NHSL2: variants seen among roughly 807,000 people sequenced by gnomAD.
NHSL2 encodes NHS like 2.
NHSL2 carries 27 observed loss-of-function variants against 53.4 expected under a neutral mutation model. That is an observed-to-expected ratio of 0.51 (90% CI 0.37 to 0.70). The LOEUF (loss-of-function observed/expected upper bound fraction) is 0.70, where lower values mean the gene tolerates loss of function less well. Ranked by LOEUF, NHSL2 falls within the 30% of genes least tolerant of loss-of-function variation. The pLI is 0.00. For synonymous variants in NHSL2, 408 were observed against 404.1 expected, an observed-to-expected ratio of 1.01 and a Z score of -0.12; for missense variants, 892 against 980.1, an observed-to-expected ratio of 0.91 and a Z score of 1.20.
chrX:71,912,708 C>A (rs978745151), intron 1 of NHSL2, among the ~76,000 whole-genome samples: 4 of 112,210 alleles, frequency 3.6e-5, no homozygotes, highest in African/African-American at 1.3e-4. Context: ...GGACCAGGAG[C>A]CTCTGCATGG....
Position 71,964,011 on chromosome X carries a change from GTATATATA to G in NHSL2, c.280+52650_280+52657del, listed in dbSNP as rs1382971808. Among the ~76,000 whole-genome samples the G allele has an allele frequency of 2.2e-3, 27 of 12,176 alleles. 3 individuals are homozygous for G. Among genetic ancestry groups the G allele is most frequent in the Admixed American group, 3.9e-3 (3 of 761 alleles). 10.6% of individuals were successfully genotyped at this position (12,176 alleles called of 115,157 possible). ...TATATATGTATATACATATATATAT[GTATATATA>G]TATATGTGTATATATATATATATGT... On this transcript the variant is annotated intron_variant, in intron 1 of 7. Coordinates refer to ENST00000633930, the MANE Select transcript of NHSL2 (RefSeq NM_001013627.3).
intron 1 of NHSL2, among the ~76,000 whole-genome samples, chrX:72,109,310 A>G (rs186916732): frequency 1.8e-5 from 2 of 112,318 alleles, no homozygotes; most frequent in Admixed American, 9.4e-5. Context: ...TGTGATTGTT[A>G]TTCCCATTTT....
intron 6 of NHSL2, 46 bp downstream of exon 6, chrX:72,140,817 T>A: frequency 9.6e-7 from 1 of 1,041,617 alleles, no homozygotes. Context: ...ACAGGAGAGA[T>A]GAGGGTGAGA....
intron 1 of NHSL2, among the ~76,000 whole-genome samples, chrX:72,083,908 T>G (rs900247550): frequency 8.9e-6 from 1 of 111,879 alleles, no homozygotes; most frequent in African/African-American, 3.3e-5. Flanking sequence ...TCCCAGATTT[T>G]ATTGCCCCTT....
rs1158761328 is a variant in NHSL2, at chrX:72,143,234, C to T, written c.3357-19C>T. On this transcript the variant is annotated intron_variant, in intron 7 of 7. Coordinates refer to ENST00000633930, the MANE Select transcript of NHSL2 (RefSeq NM_001013627.3). ...GTCTGCTGCATTAACTCACTCAGAC[C>T]AAACTTTCTCTTATCTAGGTCCAAA... The T allele has an allele frequency of 8.9e-7, 1 of 1,120,161 alleles. No individual in the cohort carries two copies. The highest frequency in any genetic ancestry group is 3.3e-5 in the East Asian group (1 of 30,387). 92.3% of individuals were successfully genotyped at this position (1,120,161 alleles called of 1,213,427 possible). A position where few individuals can be genotyped will look rare whatever the true frequency, so the allele number is the denominator to read the frequency against.
At chrX:71,949,321 G>A (rs759305011) in intron 1 of NHSL2, among the ~76,000 whole-genome samples, 7 of 111,029 alleles carry the variant, frequency 6.3e-5, no homozygotes, top group Non-Finnish European at 1.1e-4. Context: ...TTTGAGGTGG[G>A]CTTCCTGAAG....
At chrX:72,135,005 T>C (rs1453908593) in intron 4 of NHSL2, among the ~76,000 whole-genome samples, 3 of 112,786 alleles carry the variant, frequency 2.7e-5, no homozygotes, top group East Asian at 2.8e-4. Flanking sequence ...AGAGCACTTA[T>C]GGAAACTTAA....
In NHSL2 at chrX:72,144,427, G is replaced by T; in HGVS notation, c.*853G>T. 1 of 737,875 alleles carries T rather than the reference G, an allele frequency of 1.4e-6. No individual in the cohort carries two copies. Among genetic ancestry groups the T allele is most frequent in the South Asian group, 2.1e-5 (1 of 47,769 alleles). The allele number at this position is 737,875 out of a possible 1,213,427, so 60.8% of individuals were successfully genotyped here. On this transcript the variant is annotated 3_prime_UTR_variant, in exon 8 of 8. Transcript: ENST00000633930. Reference sequence around the variant, plus strand: ...GTCAACAGCGATAGGCAGGATCTGCGCCCAGCTCATGCTGCATTCTAAGAA... The same window carrying T: ...GTCAACAGCGATAGGCAGGATCTGCTCCCAGCTCATGCTGCATTCTAAGAA...
chrX:71,930,439 C>T (rs980455334), intron 1 of NHSL2, among the ~76,000 whole-genome samples: 1 of 112,405 alleles, frequency 8.9e-6, no homozygotes, highest in Non-Finnish European at 1.9e-5. Flanking sequence ...GTGTATAATT[C>T]AGTGCCTTTT....
Position 72,151,071 on chromosome X carries a change from A to G in NHSL2, c.*7497A>G, listed in dbSNP as rs2042508953. ...CTCTCTGTAGCCAGGCTGGAGGGCA[A>G]TTGTACAATCTCGGCTCATTACAAC... On this transcript the variant is annotated 3_prime_UTR_variant, in exon 8 of 8. Coordinates refer to ENST00000633930, the MANE Select transcript of NHSL2 (RefSeq NM_001013627.3). 1 of 110,913 alleles carries G rather than the reference A, an allele frequency of 9.0e-6. No homozygotes were observed. The highest frequency in any genetic ancestry group is 1.9e-5 in the Non-Finnish European group (1 of 52,927). The allele number at this position is 110,913 out of a possible 1,213,427, so 9.1% of individuals were successfully genotyped here. A position where few individuals can be genotyped will look rare whatever the true frequency, so the allele number is the denominator to read the frequency against.
chrX:71,930,446 T>G (rs920493781), intron 1 of NHSL2, among the ~76,000 whole-genome samples: 2 of 112,624 alleles, frequency 1.8e-5, no homozygotes, highest in African/African-American at 6.4e-5. Context: ...ATTCAGTGCC[T>G]TTTAGCATGT....
At chrX:72,070,676 C>G (rs981030818) in intron 1 of NHSL2, among the ~76,000 whole-genome samples, 1 of 109,600 alleles carries the variant, frequency 9.1e-6, no homozygotes, top group African/African-American at 3.3e-5. Context: ...TACTTTCTCT[C>G]TGTGCCCTCC....
intron 1 of NHSL2, among the ~76,000 whole-genome samples, chrX:71,941,231 C>T (rs935516533): frequency 8.1e-5 from 9 of 110,990 alleles, no homozygotes; most frequent in East Asian, 5.6e-4. Context: ...GACTGAAGAC[C>T]CTCTCCCTGT....
chrX:72,084,258 TG>T (rs1471173817), intron 1 of NHSL2, among the ~76,000 whole-genome samples: 1 of 112,355 alleles, frequency 8.9e-6, no homozygotes, highest in East Asian at 2.8e-4. Flanking sequence ...TGACTGGTCC[TG>T]GGGACTATCA....
intron 1 of NHSL2, among the ~76,000 whole-genome samples, chrX:71,926,630 A>G (rs1438280738): frequency 9.3e-6 from 1 of 108,051 alleles, no homozygotes; most frequent in Non-Finnish European, 1.9e-5. Context: ...TTGAGAATAT[A>G]CATATATATA....
intron 1 of NHSL2, among the ~76,000 whole-genome samples, chrX:71,927,567 C>CT (rs1414894362): frequency 9.8e-6 from 1 of 101,969 alleles, no homozygotes; most frequent in Non-Finnish European, 2.0e-5. Flanking sequence ...TTTTTCTTTT[C>CT]TTTTTTTGAG....
chrX:72,085,115 C>A (rs967517491), intron 1 of NHSL2, among the ~76,000 whole-genome samples: 2 of 111,568 alleles, frequency 1.8e-5, no homozygotes, highest in Non-Finnish European at 3.8e-5. Context: ...TTATTGTCCT[C>A]ACCCTAAACA....
At chrX:71,919,532 C>T (rs2041646369) in intron 1 of NHSL2, among the ~76,000 whole-genome samples, 1 of 111,691 alleles carries the variant, frequency 9.0e-6, no homozygotes, top group East Asian at 2.8e-4. Context: ...AGCCATTCTT[C>T]CCTTTTCCAG....
chrX:72,041,287 A>T (rs759542756), intron 1 of NHSL2, among the ~76,000 whole-genome samples: 2 of 111,759 alleles, frequency 1.8e-5, no homozygotes, highest in South Asian at 7.5e-4. Context: ...ATCCACACGA[A>T]CATTATCAGT....
Sources: allele counts gnomAD v4.1 joint callset (sites outside exome capture counted in the v4.1 genomes callset), GRCh38; gene constraint gnomAD v4.1.1; transcripts MANE v1.5; gene names NCBI Gene and HGNC (gene_info 2026-07-23, HGNC 2026-07-21).